The following PHKB variants were observed in gnomAD, a reference collection of about 807,000 sequenced individuals.
PHKB encodes the protein phosphorylase kinase regulatory subunit beta, also known as phosphorylase b kinase regulatory subunit beta.
Under a neutral mutation model 152.1 loss-of-function variants are expected in PHKB, and 122 were observed. The ratio of observed to expected loss-of-function variants is 0.80; its 90% confidence interval spans 0.69 to 0.93. PHKB has a LOEUF of 0.93. PHKB is among the 40% of genes least tolerant of loss of function. PHKB has a pLI of 0.00. For missense variants in PHKB, 1,304 were observed against 1,328.4 expected, an observed-to-expected ratio of 0.98 and a Z score of 0.29; for synonymous variants, 436 against 464.9, an observed-to-expected ratio of 0.94 and a Z score of 0.80.
At chr16:47,660,856 G>A in intron 22 of PHKB, 37 bp downstream of exon 22, 2 of 1,606,172 alleles carry the variant, frequency 1.2e-6, no homozygotes, top group Non-Finnish European at 1.7e-6. Flanking sequence ...CCCTAAGTGA[G>A]GTTGCTGGAG....
intron 18 of PHKB, among the ~76,000 whole-genome samples, chr16:47,649,749 CT>C (rs1973201371): frequency 6.6e-6 from 1 of 152,112 alleles, no homozygotes; most frequent in African/African-American, 2.4e-5. Flanking sequence ...TCCTCTGTGC[CT>C]TGTTTTCCCA....
intron 6 of PHKB, among the ~76,000 whole-genome samples, chr16:47,516,464 G>A (rs966541530): frequency 5.3e-5 from 8 of 152,240 alleles, no homozygotes; most frequent in Admixed American, 3.3e-4. Flanking sequence ...AAGCACATGC[G>A]CTGATGTACT....
chr16:47,562,753 C>T lies in PHKB; in HGVS notation c.710+15205C>T, dbSNP rs78052015. ...AATAAGACAACAATGAAGTTTGCCA[C>T]ATTGAAGGACTCTTCCTTTCACAAT... On this transcript the variant is annotated intron_variant, in intron 7 of 30. Coordinates refer to ENST00000323584, the MANE Select transcript of PHKB (RefSeq NM_000293.3). Among the ~76,000 whole-genome samples, 222 of 152,290 alleles carry T rather than the reference C, an allele frequency of 1.5e-3. 3 individuals carry two copies. The East Asian group carries it at 0.037, about 25-fold the overall frequency.
chr16:47,628,108 C>T (rs1291896113), intron 14 of PHKB, among the ~76,000 whole-genome samples: 1 of 152,170 alleles, frequency 6.6e-6, no homozygotes, highest in Non-Finnish European at 1.5e-5. Context: ...GCAAGACCAG[C>T]CTGGAGGATG....
intron 3 of PHKB, among the ~76,000 whole-genome samples, chr16:47,502,306 A>G (rs547609874): frequency 6.6e-6 from 1 of 152,318 alleles, no homozygotes; most frequent in East Asian, 1.9e-4. Context: ...ATCTTAACCA[A>G]ACTAGGTTTG....
chr16:47,533,585 C>T (rs1970900167), intron 6 of PHKB, among the ~76,000 whole-genome samples: 1 of 152,194 alleles, frequency 6.6e-6, no homozygotes, highest in Non-Finnish European at 1.5e-5. Context: ...GTTTGCACCG[C>T]CCTGAGCATG....
At chr16:47,567,659 A>T (rs1379800638) in intron 7 of PHKB, among the ~76,000 whole-genome samples, 1 of 152,194 alleles carries the variant, frequency 6.6e-6, no homozygotes, top group Admixed American at 6.5e-5. Flanking sequence ...ATTCAATATG[A>T]TGTTGGCTGT....
rs141074894 is a variant in PHKB at position 47,539,965 on chromosome 16, G to A, written c.595-7468G>A. Among the ~76,000 whole-genome samples the A allele has an allele frequency of 7.5e-3, 1,139 of 152,288 alleles. 18 individuals are homozygous for A. Among genetic ancestry groups the A allele is most frequent in the African/African-American group, 0.026 (1,079 of 41,552 alleles). Reference sequence around the variant, plus strand: ...CAGCGATTTTTAGGGAACAAGGGAAGACACCCATAAGGTCTGACTGTCTGC... The same window carrying A: ...CAGCGATTTTTAGGGAACAAGGGAAAACACCCATAAGGTCTGACTGTCTGC... On this transcript the variant is annotated intron_variant, in intron 6 of 30. Coordinates refer to ENST00000323584, the MANE Select transcript of PHKB (RefSeq NM_000293.3).
intron 8 of PHKB, among the ~76,000 whole-genome samples, chr16:47,583,939 CA>C (rs924986755): frequency 2.6e-5 from 4 of 151,880 alleles, no homozygotes; most frequent in African/African-American, 9.7e-5. Flanking sequence ...TGAGATAAAA[CA>C]AATGTTAATT....
At chr16:47,498,587 T>C (rs1371893030) in intron 2 of PHKB, among the ~76,000 whole-genome samples, 1 of 152,142 alleles carries the variant, frequency 6.6e-6, no homozygotes, top group Non-Finnish European at 1.5e-5. Context: ...GTTTTCTGCC[T>C]TTGGAAAACT....
intron 7 of PHKB, among the ~76,000 whole-genome samples, chr16:47,556,410 A>T (rs1971370732): frequency 1.3e-5 from 2 of 152,302 alleles, no homozygotes; most frequent in East Asian, 3.9e-4. Flanking sequence ...TGGGTTTGTC[A>T]TAGATAGCTC....
chr16:47,597,671 CTTTT>C (rs1972144723), intron 13 of PHKB: 1 of 124,596 alleles, frequency 8.0e-6, no homozygotes, highest in African/African-American at 3.0e-5. Flanking sequence ...TTTCTTTTTT[CTTTT>C]TTCTTTTTTT....
chr16:47,475,948 G>A (rs981286702), intron 1 of PHKB, among the ~76,000 whole-genome samples: 3 of 152,148 alleles, frequency 2.0e-5, no homozygotes, highest in Non-Finnish European at 4.4e-5. Flanking sequence ...GCTCATTGCA[G>A]CCTTGAACTT....
intron 7 of PHKB, among the ~76,000 whole-genome samples, chr16:47,555,451 C>T (rs1971352461): frequency 6.6e-6 from 1 of 152,144 alleles, no homozygotes; most frequent in Non-Finnish European, 1.5e-5. Context: ...TCCATAAAAG[C>T]TTTGATTTAT....
At chr16:47,494,255 C>T (rs959268159) in intron 1 of PHKB, among the ~76,000 whole-genome samples, 47 of 152,268 alleles carry the variant, frequency 3.1e-4, no homozygotes, top group African/African-American at 1.0e-3. Flanking sequence ...GTATTCAAGC[C>T]TAAATCTATG....
intron 26 of PHKB, among the ~76,000 whole-genome samples, chr16:47,678,312 AT>A (rs1973775353): frequency 6.6e-6 from 1 of 152,152 alleles, no homozygotes; most frequent in African/African-American, 2.4e-5. Flanking sequence ...GTCAAATGGT[AT>A]TTCTAGTTCT....
intron 7 of PHKB, among the ~76,000 whole-genome samples, chr16:47,569,365 T>C (rs182162841): frequency 1.3e-5 from 2 of 152,362 alleles, no homozygotes; most frequent in Non-Finnish European, 2.9e-5. Context: ...TATATTTTTT[T>C]CCATATCTTT....
At chr16:47,552,607 G>A (rs1158216875) in intron 7 of PHKB, among the ~76,000 whole-genome samples, 3 of 152,040 alleles carry the variant, frequency 2.0e-5, no homozygotes, top group Non-Finnish European at 4.4e-5. Context: ...TCAGGAGTTC[G>A]AGACCAGCCT....
chr16:47,544,362 G>A (rs757029059), intron 6 of PHKB, among the ~76,000 whole-genome samples: 2 of 152,152 alleles, frequency 1.3e-5, no homozygotes, highest in Non-Finnish European at 2.9e-5. Flanking sequence ...AGTCATTCAG[G>A]AGCAGGTTCT....
Sources: allele counts gnomAD v4.1 joint callset (sites outside exome capture counted in the v4.1 genomes callset), GRCh38; gene constraint gnomAD v4.1.1; transcripts MANE v1.5; gene names NCBI Gene and HGNC (gene_info 2026-07-23, HGNC 2026-07-21).